ODAD2: variants seen among roughly 807,000 people sequenced by gnomAD.
ODAD2 encodes the protein outer dynein arm docking complex subunit 2.
A neutral mutation model predicts 106.8 loss-of-function variants in ODAD2; 89 were observed. The ratio of observed to expected loss-of-function variants is 0.83; its 90% CI spans 0.70 to 0.99. ODAD2 has a LOEUF of 0.99. ODAD2 is among the 50% of genes least tolerant of loss of function. The pLI is 0.00. For synonymous variants in ODAD2, 404 were observed against 436.2 expected, an observed-to-expected ratio of 0.93 and a Z score of 0.92; for missense variants, 1,168 against 1,238.5, an observed-to-expected ratio of 0.94 and a Z score of 0.85.
At chr10:27,929,656 C>T (rs749344652) in intron 16 of ODAD2, among the ~76,000 whole-genome samples, 4 of 152,050 alleles carry the variant, frequency 2.6e-5, no homozygotes, top group Non-Finnish European at 5.9e-5. Context: ...TGTATGCTTA[C>T]GAATATGATA....
intron 17 of ODAD2, among the ~76,000 whole-genome samples, chr10:27,863,045 G>T (rs1004589142): frequency 3.3e-5 from 5 of 152,084 alleles, no homozygotes; most frequent in Non-Finnish European, 5.9e-5. Context: ...GCAAGCCTCT[G>T]GCTACAACAT....
intron 2 of ODAD2, among the ~76,000 whole-genome samples, 188 bp downstream of exon 2, chr10:27,994,731 A>G (rs1363191085): frequency 2.0e-5 from 3 of 152,192 alleles, no homozygotes; most frequent in Non-Finnish European, 4.4e-5. Context: ...TTTAAAACTT[A>G]GAAAGATACT....
chr10:27,973,921 T>C (rs1028194180), intron 7 of ODAD2, among the ~76,000 whole-genome samples: 3 of 152,166 alleles, frequency 2.0e-5, no homozygotes, highest in Non-Finnish European at 4.4e-5. Context: ...ATTCCCTTTT[T>C]TTCTGCAACT....
Position 27,988,396 on chromosome 10 carries a change from G to T in ODAD2, c.225-853C>A, listed in dbSNP as rs183551392. 3.7e-3 allele frequency among the ~76,000 whole-genome samples: 546 copies of T among 147,788 alleles called. 2 individuals carry two copies. Among genetic ancestry groups the T allele is most frequent in the African/African-American group, 0.013 (509 of 39,852 alleles). On this transcript the variant is annotated intron_variant, in intron 2 of 19. Transcript: ENST00000305242. Reference sequence around the variant, plus strand: ...TCTGTCACCGGGATTGGAGTGCAGTGGCGTGATCTCGGGTCACTGCAACCT... The same window carrying T: ...TCTGTCACCGGGATTGGAGTGCAGTTGCGTGATCTCGGGTCACTGCAACCT...
At chr10:27,883,942 A>G (rs1841907526) in intron 17 of ODAD2, among the ~76,000 whole-genome samples, 1 of 151,962 alleles carries the variant, frequency 6.6e-6, no homozygotes, top group Non-Finnish European at 1.5e-5. Context: ...GACATCATCA[A>G]GTATGCCAAC....
chr10:27,939,925 T>C lies in ODAD2; in HGVS notation c.2069A>G (p.Gln690Arg). The C allele has an allele frequency of 6.2e-7, 1 of 1,610,458 alleles. No individual in the cohort carries two copies. Among genetic ancestry groups the C allele is most frequent in the African/African-American group, 1.3e-5 (1 of 74,884 alleles). Reference sequence around the variant, plus strand: ...GTAAATGGCCATGGCGCAGTGCTCCTGCAGCTGCTCATTCTCACTATTTAG... The same window carrying C: ...GTAAATGGCCATGGCGCAGTGCTCCCGCAGCTGCTCATTCTCACTATTTAG... ...KNLNSENEQL[Q>R]EHCAMAIYQC... The change falls in exon 14 of 20, where the codon CAG becomes CGG. Residue 690 changes from glutamine to arginine, a missense_variant. Transcript: ENST00000305242.
At chr10:27,900,093 C>G (rs1033623572) in intron 17 of ODAD2, among the ~76,000 whole-genome samples, 1 of 152,164 alleles carries the variant, frequency 6.6e-6, no homozygotes, top group Non-Finnish European at 1.5e-5. Context: ...AGGTGCCCCT[C>G]TAGGACAAAG....
chr10:27,827,115 G>T (rs889515865), intron 19 of ODAD2, among the ~76,000 whole-genome samples: 2 of 151,898 alleles, frequency 1.3e-5, no homozygotes, highest in African/African-American at 4.8e-5. Context: ...CTCTTCTCTT[G>T]ACTTTGTGAA....
At chr10:27,970,457 G>A (rs1379126656) in intron 8 of ODAD2, among the ~76,000 whole-genome samples, 3 of 152,054 alleles carry the variant, frequency 2.0e-5, no homozygotes, top group African/African-American at 7.2e-5. Flanking sequence ...TTTCCCCTGT[G>A]ACTGCTCCAA....
intron 17 of ODAD2, among the ~76,000 whole-genome samples, chr10:27,866,437 T>C (rs896937041): frequency 6.6e-6 from 1 of 152,180 alleles, no homozygotes; most frequent in Non-Finnish European, 1.5e-5. Context: ...CAGGGGCTCT[T>C]AGAATTTCAG....
At chr10:27,940,429 A>T (rs1451116432) in intron 13 of ODAD2, 134 bp downstream of exon 13, 1 of 1,016,994 alleles carries the variant, frequency 9.8e-7, no homozygotes, top group African/African-American at 1.6e-5. Flanking sequence ...TATCAGTTGG[A>T]TCTTCTCTTT....
chr10:27,818,487 A>T (rs1836320496), intron 19 of ODAD2, among the ~76,000 whole-genome samples: 1 of 152,068 alleles, frequency 6.6e-6, no homozygotes, highest in Admixed American at 6.5e-5. Context: ...TTACTTTATG[A>T]ATTTTGTTAT....
chr10:27,826,848 C>T (rs1336267370), intron 19 of ODAD2, among the ~76,000 whole-genome samples: 2 of 152,080 alleles, frequency 1.3e-5, no homozygotes, highest in African/African-American at 4.8e-5. Flanking sequence ...TGGAAAACCA[C>T]CAAGACCTCC....
At chr10:27,998,877 C>A (rs1277625840) in intron 1 of ODAD2, 117 bp downstream of exon 1, 7 of 152,738 alleles carry the variant, frequency 4.6e-5, no homozygotes, top group Non-Finnish European at 7.3e-5. Context: ...GCCCTGCGGC[C>A]GCGCACGCCG....
Position 27,971,292 on chromosome 10 carries a change from G to C in ODAD2, c.958C>G (p.Gln320Glu). The stretch of plus-strand genomic sequence containing the variant: ...CCAAGCTGATCCTTTTCCTTTTGCT[G>C]GTCTTCACTGAAGCTAATTCCCTTT... Reference protein sequence around the residue: ...SKLGISFSEDQQKEKDQLGKA... With the variant: ...SKLGISFSEDEQKEKDQLGKA... The change falls in exon 8 of 20, where the codon CAG becomes GAG. Residue 320 changes from glutamine to glutamate, a missense_variant. By Grantham distance (29) the Gln-to-Glu change is conservative (BLOSUM62 2). Coordinates refer to ENST00000305242, the MANE Select transcript of ODAD2 (RefSeq NM_018076.5). 1.2e-6 allele frequency: 2 copies of C among 1,606,836 alleles called. No individual in the cohort carries two copies. The highest frequency in any genetic ancestry group is 1.7e-6 in the Non-Finnish European group (2 of 1,177,170).
intron 19 of ODAD2, among the ~76,000 whole-genome samples, chr10:27,829,803 A>G (rs924942065): frequency 5.9e-5 from 9 of 152,224 alleles, no homozygotes; most frequent in Admixed American, 4.6e-4. Flanking sequence ...TGAGTTTTAG[A>G]ACAGAATAAT....
Position 27,924,025 on chromosome 10 carries a change from G to GAAA in ODAD2, c.2495+10984_2495+10985insTTT, listed in dbSNP as rs1564509522. Reference sequence around the variant, plus strand: ...AAGAAAGAAAGAAAGAAAGAAAGAAGGAAAGAGAAAGAAAGAAGGAAAGAG... The same window carrying GAAA: ...AAGAAAGAAAGAAAGAAAGAAAGAAGAAAGAAAGAGAAAGAAAGAAGGAAAGAG... On this transcript the variant is annotated intron_variant, in intron 16 of 19. Transcript: ENST00000305242. Among the ~76,000 whole-genome samples the GAAA allele has an allele frequency of 2.2e-3, 131 of 59,962 alleles. 4 individuals carry two copies. Among genetic ancestry groups the GAAA allele is most frequent in the Non-Finnish European group, 3.1e-3 (90 of 28,810 alleles). The allele number at this position is 59,962 out of a possible 152,430, so 39.3% of individuals were successfully genotyped here. A position where few individuals can be genotyped will look rare whatever the true frequency, so the allele number is the denominator to read the frequency against.
Position 27,984,255 on chromosome 10 carries a change from T to A in ODAD2, c.611A>T (p.Asp204Val), listed in dbSNP as rs1232845145. 1.9e-6 allele frequency: 3 copies of A among 1,613,642 alleles called. No homozygotes were observed. The highest frequency in any genetic ancestry group is 3.3e-5 in the Admixed American group (2 of 60,008). ...TGAGAAACGTTTGAGCAGTTCTATA[T>A]CCTTCTTCACCGTCATGGGACTTAA... is the stretch of plus-strand genomic sequence containing the variant. The part of the protein sequence containing the change: ...ISLSPMTVKK[D>V]IELLKRFSGK... Residue 204 changes from aspartate (D) to valine (V), a missense_variant, in exon 5 of 20, where the codon GAT (aspartate) becomes GTT (valine). Coordinates refer to ENST00000305242, the MANE Select transcript of ODAD2 (RefSeq NM_018076.5).
At chr10:27,872,155 T>C (rs1840948752) in intron 17 of ODAD2, among the ~76,000 whole-genome samples, 1 of 152,120 alleles carries the variant, frequency 6.6e-6, no homozygotes, top group African/African-American at 2.4e-5. Context: ...TGGCTCTCTG[T>C]TTGTCTGTTA....
Sources: allele counts gnomAD v4.1 joint callset (sites outside exome capture counted in the v4.1 genomes callset), GRCh38; gene constraint gnomAD v4.1.1; transcripts MANE v1.5; gene names NCBI Gene and HGNC (gene_info 2026-07-23, HGNC 2026-07-21).